The following PHKB variants were observed in gnomAD, a reference collection of about 807,000 sequenced individuals.
PHKB encodes the protein phosphorylase b kinase regulatory subunit beta.
PHKB carries 122 observed loss-of-function variants against 152.1 expected under a neutral mutation model. That is an observed-to-expected ratio of 0.80 (90% CI 0.69 to 0.93). The LOEUF (loss-of-function observed/expected upper bound fraction) is 0.93. Ranked by LOEUF, PHKB falls within the 40% of genes least tolerant of loss-of-function variation. PHKB has a pLI of 0.00. For missense variants in PHKB, 1,304 were observed against 1,328.4 expected (o/e 0.98, Z 0.29); for synonymous variants, 436 against 464.9 (o/e 0.94, Z 0.80).
intron 10 of PHKB, among the ~76,000 whole-genome samples, chr16:47,592,202 T>G (rs1412698183): frequency 6.6e-6 from 1 of 152,230 alleles, no homozygotes; most frequent in East Asian, 1.9e-4. Flanking sequence ...TGGTCCTGTT[T>G]TTTGCCCTAC....
chr16:47,685,770 C>A (rs1973954047), intron 26 of PHKB, among the ~76,000 whole-genome samples: 1 of 144,548 alleles, frequency 6.9e-6, no homozygotes, highest in Non-Finnish European at 1.5e-5. Flanking sequence ...GAGACAGAGT[C>A]TCACTCTGTT....
In PHKB at chr16:47,693,245, G is replaced by A. The variant is rs989820745; in HGVS notation, c.2766-133G>A. ...ATATTTACTAGCCTCTGTAACACAC[G>A]GAGATATGCATCATTGATGGGCTTT... is the stretch of plus-strand genomic sequence containing the variant. On this transcript the variant is annotated intron_variant, in intron 27 of 30. Transcript: ENST00000323584. 17 of 821,242 alleles carry A rather than the reference G, an allele frequency of 2.1e-5. 1 individual carries two copies. The highest frequency in any genetic ancestry group is 2.4e-4 in the Middle Eastern group (1 of 4,116). 50.9% of individuals were successfully genotyped at this position (821,242 alleles called of 1,614,324 possible).
chr16:47,497,570 G>A, intron 2 of PHKB, 82 bp downstream of exon 2: 2 of 822,492 alleles, frequency 2.4e-6, no homozygotes, highest in East Asian at 5.0e-5. Flanking sequence ...TGTACATTAT[G>A]TGGATGATAT....
intron 14 of PHKB, among the ~76,000 whole-genome samples, chr16:47,638,034 G>A (rs1457404567): frequency 6.6e-6 from 1 of 151,932 alleles, no homozygotes; most frequent in Non-Finnish European, 1.5e-5. Flanking sequence ...ACCTCCCAAA[G>A]CACCCCTCCC....
At chr16:47,508,109 G>A (rs993576020) in intron 4 of PHKB, among the ~76,000 whole-genome samples, 3 of 152,038 alleles carry the variant, frequency 2.0e-5, no homozygotes, top group East Asian at 1.9e-4. Context: ...GCTTCCTGAT[G>A]TATTTTCTAA....
chr16:47,582,910 C>G (rs1971872759), intron 8 of PHKB, among the ~76,000 whole-genome samples: 1 of 152,208 alleles, frequency 6.6e-6, no homozygotes, highest in South Asian at 2.1e-4. Flanking sequence ...GATTCTCCTG[C>G]CTCAGCCTCC....
intron 7 of PHKB, among the ~76,000 whole-genome samples, chr16:47,558,868 C>A (rs1971428297): frequency 6.6e-6 from 1 of 152,294 alleles, no homozygotes; most frequent in South Asian, 2.1e-4. Context: ...TTTAAAATGC[C>A]ACATTTAGAT....
At chr16:47,499,632 C>A in intron 2 of PHKB, 124 bp from the exon 3 acceptor site, 1 of 1,111,566 alleles carries the variant, frequency 9.0e-7, no homozygotes, top group Non-Finnish European at 1.4e-6. Flanking sequence ...AAGTATTGTA[C>A]TATAGCAAGT....
Position 47,588,915 on chromosome 16 carries a change from C to A in PHKB, c.881C>A (p.Ala294Asp), listed in dbSNP as rs1156238752. The change falls in exon 10 of 31, where the codon GCT becomes GAT. Residue 294 changes from alanine to aspartate, a missense_variant. Coordinates refer to ENST00000323584, the MANE Select transcript of PHKB (RefSeq NM_000293.3). ...PRESRSHNTDAALLPCISYPA... is the reference protein window; with the variant it reads ...PRESRSHNTDDALLPCISYPA... ...TCTCATTGCCTCCAGAATACAGATG[C>A]TGCCCTGCTCCCCTGCATCAGTTAT... 1.2e-6 allele frequency: 2 copies of A among 1,613,340 alleles called. No individual in the cohort carries two copies. Among genetic ancestry groups the A allele is most frequent in the Admixed American group, 3.3e-5 (2 of 59,940 alleles).
intron 7 of PHKB, among the ~76,000 whole-genome samples, chr16:47,568,078 T>C (rs1971599661): frequency 6.6e-6 from 1 of 152,138 alleles, no homozygotes; most frequent in Admixed American, 6.6e-5. Context: ...GGAATCCTGC[T>C]CTGTCTTTTG....
At position 47,517,062 on chromosome 16, in the gene PHKB, T is replaced by C. The variant is rs561832840; in HGVS notation, c.594+1461T>C. Among the ~76,000 whole-genome samples the C allele has an allele frequency of 2.6e-4, 40 of 152,108 alleles. 2 individuals are homozygous for C. In the South Asian group the frequency reaches 8.1e-3, roughly 31 times the overall value. Reference sequence around the variant, plus strand: ...AGAGCATGCCAATATATAAAACAAATAAAAGAAGCATGACTCTGACTGAGG... The same window carrying C: ...AGAGCATGCCAATATATAAAACAAACAAAAGAAGCATGACTCTGACTGAGG... On this transcript the variant is annotated intron_variant, in intron 6 of 30. Transcript: ENST00000323584.
At position 47,461,364 on chromosome 16, in the gene PHKB, C is replaced by T. The variant is rs778015344; in HGVS notation, c.14C>T (p.Ala5Val). 6 of 1,610,920 alleles carry T rather than the reference C, an allele frequency of 3.7e-6. No individual in the cohort carries two copies. Among genetic ancestry groups the T allele is most frequent in the Admixed American group, 1.7e-5 (1 of 59,892 alleles). MAGA[A>V]GLTAEVSWKV... is the part of the protein sequence containing the mutation. ...GACCGGAGCGCGATGGCGGGGGCGG[C>T]GGGACTCACGGCAGAAGTGAGCTGG... Residue 5 changes from alanine to valine, a missense_variant, in exon 1 of 31, where the codon GCG becomes GTG. Coordinates refer to ENST00000323584, the MANE Select transcript of PHKB (RefSeq NM_000293.3).
At chr16:47,617,394 T>C (rs1972538425) in intron 14 of PHKB, among the ~76,000 whole-genome samples, 1 of 151,822 alleles carries the variant, frequency 6.6e-6, no homozygotes, top group Admixed American at 6.6e-5. Context: ...ATGAAAACCT[T>C]TTTTATCATC....
intron 26 of PHKB, among the ~76,000 whole-genome samples, chr16:47,686,949 C>T (rs1162934311): frequency 1.3e-5 from 2 of 152,058 alleles, no homozygotes; most frequent in Admixed American, 6.6e-5. Flanking sequence ...GGGTTATCCC[C>T]GAAATGACTT....
chr16:47,536,745 G>T (rs1970959011), intron 6 of PHKB, among the ~76,000 whole-genome samples: 1 of 152,114 alleles, frequency 6.6e-6, no homozygotes, highest in South Asian at 2.1e-4. Context: ...TTGGATTTCA[G>T]AACTTGTGGC....
At chr16:47,669,092 ACCTAATTCCC>A (rs1289081730) in intron 25 of PHKB, 113 bp from the exon 26 acceptor site, 5 of 711,324 alleles carry the variant, frequency 7.0e-6, no homozygotes, top group Non-Finnish European at 1.0e-5. Context: ...CAGTTATTCT[ACCTAATTCCC>A]TAGCTTATAT....
intron 4 of PHKB, among the ~76,000 whole-genome samples, chr16:47,507,520 T>C (rs1276334831): frequency 1.3e-5 from 2 of 151,622 alleles, no homozygotes; most frequent in East Asian, 3.9e-4. Flanking sequence ...AAGGTTGTTT[T>C]TGTTTTTTAA....
intron 6 of PHKB, among the ~76,000 whole-genome samples, chr16:47,542,516 C>CT (rs1158213378): frequency 6.6e-6 from 1 of 151,974 alleles, no homozygotes; most frequent in Non-Finnish European, 1.5e-5. Context: ...CTTTAAAGTA[C>CT]TTTTTTCCAA....
intron 14 of PHKB, among the ~76,000 whole-genome samples, chr16:47,623,557 ATT>A (rs35402802): frequency 1.3e-3 from 110 of 86,242 alleles, no homozygotes; most frequent in African/African-American, 1.7e-3. Context: ...GACAGTTTTG[ATT>A]TTTTTTTTTT....
Sources: allele counts gnomAD v4.1 joint callset (sites outside exome capture counted in the v4.1 genomes callset), GRCh38; gene constraint gnomAD v4.1.1; transcripts MANE v1.5; gene names NCBI Gene and HGNC (gene_info 2026-07-23, HGNC 2026-07-21).